The following LRMDA variants were observed in gnomAD, a reference collection of about 807,000 sequenced individuals.
The protein encoded by LRMDA is leucine rich melanocyte differentiation associated.
LRMDA carries 18 observed loss-of-function variants against 29.8 expected under a neutral mutation model. The ratio of observed to expected loss-of-function variants is 0.60; its 90% CI spans 0.42 to 0.90. The LOEUF is 0.90. LRMDA is among the 40% of genes least tolerant of loss of function. The pLI is 0.00. For missense variants in LRMDA, 273 were observed against 273.9 expected (o/e 1.00, Z 0.02); for synonymous variants, 125 against 109.4 (o/e 1.14, Z -0.89).
intron 2 of LRMDA, among the ~76,000 whole-genome samples, chr10:75,495,670 G>T (rs1845036397): frequency 6.6e-6 from 1 of 152,126 alleles, no homozygotes; most frequent in African/African-American, 2.4e-5. Flanking sequence ...GCCACTTATG[G>T]GGATGAATAC....
At chr10:76,232,831 C>G (rs988430563) in intron 5 of LRMDA, among the ~76,000 whole-genome samples, 1 of 152,174 alleles carries the variant, frequency 6.6e-6, no homozygotes, top group Non-Finnish European at 1.5e-5. Flanking sequence ...GTGGGAAAGT[C>G]CCCTGTGTGT....
intron 5 of LRMDA, among the ~76,000 whole-genome samples, chr10:76,139,717 CAG>C (rs983256924): frequency 2.6e-5 from 4 of 152,136 alleles, no homozygotes; most frequent in Non-Finnish European, 5.9e-5. Flanking sequence ...AGAATTATGA[CAG>C]TGTTTTTCTA....
At chr10:75,691,174 A>G (rs1842149614) in intron 2 of LRMDA, among the ~76,000 whole-genome samples, 1 of 129,592 alleles carries the variant, frequency 7.7e-6, no homozygotes, top group Non-Finnish European at 1.6e-5. Flanking sequence ...ATAGATCTAT[A>G]TATCTATGTA....
chr10:76,258,319 A>AT (rs199674403), intron 5 of LRMDA, among the ~76,000 whole-genome samples: 27 of 151,718 alleles, frequency 1.8e-4, no homozygotes, highest in Admixed American at 2.0e-4. Flanking sequence ...AATTAAATGT[A>AT]TTTTTTTTAC....
At chr10:76,519,302 A>T (rs1357505863) in intron 6 of LRMDA, among the ~76,000 whole-genome samples, 1 of 152,204 alleles carries the variant, frequency 6.6e-6, no homozygotes, top group East Asian at 1.9e-4. Flanking sequence ...GCATGCATTC[A>T]TTTATAATGA....
intron 2 of LRMDA, chr10:75,451,004 A>T (rs913817312): frequency 2.0e-5 from 3 of 152,270 alleles, no homozygotes; most frequent in Non-Finnish European, 4.4e-5. Context: ...TTGATCTGAC[A>T]AGTAAAGAGG....
intron 2 of LRMDA, among the ~76,000 whole-genome samples, chr10:75,630,109 C>A (rs1841303917): frequency 6.6e-6 from 1 of 152,168 alleles, no homozygotes; most frequent in African/African-American, 2.4e-5. Context: ...TTAAAATTTG[C>A]CTGATGGAAG....
chr10:76,521,655 GT>G (rs1206979624), intron 6 of LRMDA, among the ~76,000 whole-genome samples: 1 of 152,170 alleles, frequency 6.6e-6, no homozygotes, highest in Non-Finnish European at 1.5e-5. Flanking sequence ...CTCTTGAAAT[GT>G]TTTTTCAGGT....
intron 6 of LRMDA, among the ~76,000 whole-genome samples, chr10:76,539,278 GA>G (rs1218491829): frequency 6.6e-6 from 1 of 152,136 alleles, no homozygotes. Context: ...AGAGGAGACA[GA>G]AAGAGAAGGT....
intron 2 of LRMDA, among the ~76,000 whole-genome samples, chr10:75,907,042 T>C (rs1275672057): frequency 6.6e-6 from 1 of 152,222 alleles, no homozygotes; most frequent in Non-Finnish European, 1.5e-5. Flanking sequence ...GTAGGCCCTT[T>C]GGCATTCAAA....
At chr10:76,192,085 A>C (rs192749125) in intron 5 of LRMDA, among the ~76,000 whole-genome samples, 89 of 152,296 alleles carry the variant, frequency 5.8e-4, no homozygotes, top group Non-Finnish European at 1.1e-3. Context: ...ACTTGTTGGC[A>C]TTGGATAGGG....
chr10:75,782,993 AC>A, intron 2 of LRMDA: 1 of 1,613,976 alleles, frequency 6.2e-7, no homozygotes. Flanking sequence ...AGTATTTGTC[AC>A]TCAGCGGCAA....
chr10:75,975,421 G>A (rs942004147), intron 2 of LRMDA, among the ~76,000 whole-genome samples: 2 of 152,216 alleles, frequency 1.3e-5, no homozygotes, highest in African/African-American at 4.8e-5. Flanking sequence ...TAAAACAGCA[G>A]TGAATTGGAT....
intron 5 of LRMDA, among the ~76,000 whole-genome samples, chr10:76,120,934 G>A (rs190524360): frequency 1.7e-4 from 26 of 151,674 alleles, no homozygotes; most frequent in Admixed American, 9.2e-4. Flanking sequence ...CCAGGTTGAC[G>A]CCATTCTCCT....
intron 5 of LRMDA, among the ~76,000 whole-genome samples, chr10:76,109,544 C>T (rs1849542207): frequency 6.6e-6 from 1 of 152,188 alleles, no homozygotes; most frequent in Non-Finnish European, 1.5e-5. Context: ...CTTTAAGCAA[C>T]CACCCTACCA....
At chr10:75,903,005 G>T (rs1845701023) in intron 2 of LRMDA, among the ~76,000 whole-genome samples, 1 of 152,192 alleles carries the variant, frequency 6.6e-6, no homozygotes, top group Admixed American at 6.5e-5. Context: ...ATCTTCTACA[G>T]CTATAGTGAA....
chr10:76,171,669 T>C (rs1239417719), intron 5 of LRMDA, among the ~76,000 whole-genome samples: 1 of 152,172 alleles, frequency 6.6e-6, no homozygotes, highest in Non-Finnish European at 1.5e-5. Context: ...TGGGTGATTC[T>C]TTAAGTTGGT....
intron 6 of LRMDA, among the ~76,000 whole-genome samples, chr10:76,382,946 G>A (rs1841610533): frequency 1.3e-5 from 2 of 152,224 alleles, no homozygotes; most frequent in Non-Finnish European, 2.9e-5. Context: ...CTGTTTGTAA[G>A]TGCCTTTTTC....
chr10:75,647,566 T>G (rs759071597), intron 2 of LRMDA: 1 of 152,344 alleles, frequency 6.6e-6, no homozygotes, highest in Non-Finnish European at 1.5e-5. Flanking sequence ...TGTGCTGATG[T>G]GACAAAGAGA....
Sources: allele counts gnomAD v4.1 joint callset (sites outside exome capture counted in the v4.1 genomes callset), GRCh38; gene constraint gnomAD v4.1.1; transcripts MANE v1.5; gene names NCBI Gene and HGNC (gene_info 2026-07-23, HGNC 2026-07-21).